The following GUCY1A2 variants were observed in gnomAD, a reference collection of about 807,000 sequenced individuals.
The protein encoded by GUCY1A2 is guanylate cyclase soluble subunit alpha-2.
A neutral mutation model predicts 63.5 loss-of-function variants in GUCY1A2; 27 were observed. The observed-to-expected ratio is 0.43, with a 90% CI of 0.31 to 0.59. The LOEUF is 0.59. GUCY1A2 is among the 20% of genes least tolerant of loss of function. The pLI is 0.11. For missense variants in GUCY1A2, 768 were observed against 913.3 expected (o/e 0.84, Z 2.05); for synonymous variants, 364 against 343.5 (o/e 1.06, Z -0.66).
intron 5 of GUCY1A2, among the ~76,000 whole-genome samples, chr11:106,780,054 A>G (rs993059003): frequency 6.6e-6 from 1 of 152,114 alleles, no homozygotes; most frequent in Non-Finnish European, 1.5e-5. Context: ...GACCTTACCT[A>G]TAGTCCCAGC....
At chr11:106,827,321 A>T in intron 4 of GUCY1A2, 1 of 1,554,342 alleles carries the variant, frequency 6.4e-7, no homozygotes, top group Non-Finnish European at 8.9e-7. Flanking sequence ...GAAGTCAAGA[A>T]TTCAGCTGCT....
intron 5 of GUCY1A2, among the ~76,000 whole-genome samples, chr11:106,779,703 G>A (rs1433186863): frequency 6.6e-6 from 1 of 151,984 alleles, no homozygotes; most frequent in Admixed American, 6.6e-5. Context: ...ACTAGAATTT[G>A]CACAAGAATA....
intron 5 of GUCY1A2, among the ~76,000 whole-genome samples, chr11:106,794,437 G>GT (rs1157857897): frequency 6.6e-6 from 1 of 151,470 alleles, no homozygotes; most frequent in Non-Finnish European, 1.5e-5. Context: ...GCTGACCATA[G>GT]TAACTAATAC....
intron 4 of GUCY1A2, among the ~76,000 whole-genome samples, chr11:106,920,962 C>T (rs990613619): frequency 2.0e-5 from 3 of 152,000 alleles, no homozygotes; most frequent in African/African-American, 7.2e-5. Context: ...TTGTCTCATT[C>T]AGAATCCTAT....
intron 4 of GUCY1A2, among the ~76,000 whole-genome samples, chr11:106,911,471 T>A (rs1465614887): frequency 6.6e-6 from 1 of 152,074 alleles, no homozygotes; most frequent in Non-Finnish European, 1.5e-5. Context: ...AAGATAACAA[T>A]TAGCAAAGAA....
chr11:106,701,028 A>G (rs1201080130), intron 7 of GUCY1A2, among the ~76,000 whole-genome samples: 1 of 152,202 alleles, frequency 6.6e-6, no homozygotes. Context: ...TAGTTTAATG[A>G]AATAAAAACT....
chr11:107,007,532 T>C (rs774609414), intron 1 of GUCY1A2, among the ~76,000 whole-genome samples: 1 of 152,148 alleles, frequency 6.6e-6, no homozygotes, highest in Non-Finnish European at 1.5e-5. Flanking sequence ...GCATAAACAA[T>C]ACTATCATTG....
At chr11:107,014,643 A>G (rs1456405590) in intron 1 of GUCY1A2, among the ~76,000 whole-genome samples, 3 of 152,194 alleles carry the variant, frequency 2.0e-5, no homozygotes, top group Non-Finnish European at 4.4e-5. Flanking sequence ...CAAAAACCTG[A>G]GTGTGGATAT....
At chr11:106,851,562 G>T (rs1859355452) in intron 4 of GUCY1A2, among the ~76,000 whole-genome samples, 1 of 151,732 alleles carries the variant, frequency 6.6e-6, no homozygotes, top group South Asian at 2.1e-4. Flanking sequence ...TCATTCTTTT[G>T]CATATGGATA....
intron 7 of GUCY1A2, among the ~76,000 whole-genome samples, chr11:106,688,811 CA>C (rs757267132): frequency 1.8e-4 from 28 of 151,952 alleles, no homozygotes; most frequent in Admixed American, 7.9e-4. Context: ...ACAGTTTCAA[CA>C]AGTGGATAAG....
intron 2 of GUCY1A2, among the ~76,000 whole-genome samples, chr11:106,983,142 A>C (rs940511376): frequency 4.6e-5 from 7 of 152,204 alleles, no homozygotes; most frequent in African/African-American, 1.7e-4. Context: ...GCTGTGGTGA[A>C]AATACATATT....
chr11:106,924,940 G>A (rs1860501785), intron 4 of GUCY1A2, among the ~76,000 whole-genome samples: 1 of 152,090 alleles, frequency 6.6e-6, no homozygotes, highest in Non-Finnish European at 1.5e-5. Flanking sequence ...TGGGGAGGTC[G>A]AGGCTGCAGT....
chr11:107,014,338 C>T lies in GUCY1A2; in HGVS notation c.303+3415G>A, dbSNP rs368056652. Among the ~76,000 whole-genome samples, 4 of 152,038 alleles carry T rather than the reference C, an allele frequency of 2.6e-5. No homozygotes were observed. In the South Asian group the frequency reaches 6.2e-4, roughly 24 times the overall value. Reference sequence around the variant, plus strand: ...TCTTGACCTAGTGATCTGCCTGCCTCGGCCTCCCAAAGTGCTGGGATTACA... The same window carrying T: ...TCTTGACCTAGTGATCTGCCTGCCTTGGCCTCCCAAAGTGCTGGGATTACA... On this transcript the variant is annotated intron_variant, in intron 1 of 7. Coordinates refer to ENST00000526355, the MANE Select transcript of GUCY1A2 (RefSeq NM_000855.3).
intron 4 of GUCY1A2, among the ~76,000 whole-genome samples, chr11:106,923,935 A>ATAAG (rs1338805713): frequency 2.6e-5 from 4 of 152,206 alleles, no homozygotes; most frequent in African/African-American, 9.6e-5. Context: ...AATGACAAAG[A>ATAAG]TAAGTCTTGC....
chr11:106,951,050 G>A (rs1860901197), intron 3 of GUCY1A2, among the ~76,000 whole-genome samples: 1 of 152,126 alleles, frequency 6.6e-6, no homozygotes, highest in Admixed American at 6.5e-5. Context: ...CTTCATCCAT[G>A]TCCCTGCAAA....
chr11:106,979,304 A>T (rs1173853736), intron 2 of GUCY1A2, among the ~76,000 whole-genome samples: 1 of 152,000 alleles, frequency 6.6e-6, no homozygotes, highest in African/African-American at 2.4e-5. Flanking sequence ...AAATACAAAA[A>T]ATTAGCCGGA....
chr11:106,787,415 G>GTT (rs58710396), intron 5 of GUCY1A2, among the ~76,000 whole-genome samples: 8,012 of 135,814 alleles, frequency 0.059, 263 homozygotes, highest in East Asian at 0.087. Context: ...GCCTTACTTT[G>GTT]TTTTTTTTTT....
At chr11:106,886,833 ATCTTAGAG>A (rs1328327353) in intron 4 of GUCY1A2, among the ~76,000 whole-genome samples, 1 of 152,140 alleles carries the variant, frequency 6.6e-6, no homozygotes, top group Non-Finnish European at 1.5e-5. Context: ...ATCACAGTCC[ATCTTAGAG>A]TCCTCCAATG....
At chr11:106,936,415 T>A (rs1256317274) in intron 4 of GUCY1A2, among the ~76,000 whole-genome samples, 1 of 152,194 alleles carries the variant, frequency 6.6e-6, no homozygotes, top group Non-Finnish European at 1.5e-5. Context: ...TTGGGTTTTT[T>A]AAAAACAACC....
Sources: gnomAD v4.1 joint callset for allele counts (sites outside exome capture counted in the v4.1 genomes callset) on GRCh38, gnomAD v4.1.1 for gene constraint, MANE v1.5 for transcripts, NCBI Gene and HGNC (gene_info 2026-07-23, HGNC 2026-07-21) for gene names.